The following METTL15 variants were observed in gnomAD, a reference collection of about 807,000 sequenced individuals.
The protein encoded by METTL15 is methyltransferase 15, mitochondrial 12S rRNA N4-cytidine.
METTL15 carries 34 observed loss-of-function variants against 38.3 expected under a neutral mutation model. The ratio of observed to expected loss-of-function variants is 0.89; its 90% CI spans 0.68 to 1.18. The LOEUF (loss-of-function observed/expected upper bound fraction) is 1.18. METTL15 is among the 50% of genes most tolerant of loss of function. The pLI, the probability that METTL15 is intolerant of heterozygous loss-of-function variation, is 0.00. For synonymous variants in METTL15, 162 were observed against 170.9 expected, an observed-to-expected ratio of 0.95 and a Z score of 0.41; for missense variants, 438 against 498.4, an observed-to-expected ratio of 0.88 and a Z score of 1.15.
intron 6 of METTL15, among the ~76,000 whole-genome samples, chr11:28,461,281 T>G (rs539723210): frequency 2.6e-5 from 4 of 152,128 alleles, no homozygotes; most frequent in Non-Finnish European, 5.9e-5. Flanking sequence ...GGGCTTTGTA[T>G]CAGTCTTCTT....
intron 4 of METTL15, among the ~76,000 whole-genome samples, chr11:28,271,993 A>T (rs564737507): frequency 6.6e-6 from 1 of 152,340 alleles, no homozygotes; most frequent in Admixed American, 6.5e-5. Context: ...GTCATTAGAG[A>T]AATGCAAATC....
At chr11:28,363,523 T>C (rs899829302) in intron 5 of METTL15, among the ~76,000 whole-genome samples, 5 of 151,486 alleles carry the variant, frequency 3.3e-5, no homozygotes, top group African/African-American at 1.2e-4. Context: ...CTTTGCCCCA[T>C]TTTTAATTTG....
intron 6 of METTL15, among the ~76,000 whole-genome samples, chr11:28,311,272 G>A (rs1401843474): frequency 6.6e-6 from 1 of 152,084 alleles, no homozygotes; most frequent in Non-Finnish European, 1.5e-5. Context: ...TCAAATAAAT[G>A]TGTAATTATC....
intron 3 of METTL15, among the ~76,000 whole-genome samples, chr11:28,174,928 T>A (rs1851004290): frequency 7.0e-6 from 1 of 142,858 alleles, no homozygotes; most frequent in African/African-American, 2.5e-5. Flanking sequence ...TTTTTTTAAA[T>A]TTACTTTATT....
intron 4 of METTL15, among the ~76,000 whole-genome samples, chr11:28,240,716 C>T (rs1194397815): frequency 6.6e-6 from 1 of 152,054 alleles, no homozygotes; most frequent in Non-Finnish European, 1.5e-5. Context: ...TCCTAGGTTT[C>T]CCAAAATTTA....
intron 4 of METTL15, among the ~76,000 whole-genome samples, chr11:28,271,741 A>G (rs545327602): frequency 2.0e-5 from 3 of 152,316 alleles, no homozygotes; most frequent in African/African-American, 7.2e-5. Context: ...TAAACTAAAG[A>G]GCTCTGCACA....
intron 6 of METTL15, among the ~76,000 whole-genome samples, chr11:28,444,860 C>A (rs1009233382): frequency 2.0e-5 from 3 of 152,130 alleles, no homozygotes; most frequent in Non-Finnish European, 4.4e-5. Context: ...TTCTGAACTC[C>A]TGTGAATGAA....
chr11:28,506,271 T>C (rs569307015), intron 6 of METTL15, among the ~76,000 whole-genome samples: 1 of 152,348 alleles, frequency 6.6e-6, no homozygotes, highest in South Asian at 2.1e-4. Flanking sequence ...TATGACTTAG[T>C]CCCTATTTTG....
intron 6 of METTL15, among the ~76,000 whole-genome samples, chr11:28,484,092 A>AT (rs1851418662): frequency 6.6e-6 from 1 of 152,162 alleles, no homozygotes; most frequent in Non-Finnish European, 1.5e-5. Context: ...AAAATCGTAT[A>AT]ATAACGGTGA....
At chr11:28,115,180 A>T (rs1180922460) in intron 3 of METTL15, among the ~76,000 whole-genome samples, 1 of 152,220 alleles carries the variant, frequency 6.6e-6, no homozygotes, top group Non-Finnish European at 1.5e-5. Flanking sequence ...ATTCTCCAAA[A>T]AATTACTAAT....
chr11:28,186,355 A>G (rs1851492729), intron 3 of METTL15, among the ~76,000 whole-genome samples: 1 of 151,298 alleles, frequency 6.6e-6, no homozygotes, highest in Non-Finnish European at 1.5e-5. Context: ...AAAATATTTT[A>G]GTCAACAAAA....
intron 3 of METTL15, among the ~76,000 whole-genome samples, chr11:28,166,915 C>G (rs776418577): frequency 6.6e-6 from 1 of 152,136 alleles, no homozygotes; most frequent in South Asian, 2.1e-4. Context: ...TGCCAGTGCA[C>G]TCCAGCCTGT....
chr11:28,120,014 C>T lies in METTL15; in HGVS notation c.270+6410C>T, dbSNP rs959659841. ...TCGCCCAGGCTGGAGTGCAGTGGGG[C>T]GATCTTGGCTCACTGCAAGCTCTGC... is the stretch of plus-strand genomic sequence containing the variant. On this transcript the variant is annotated intron_variant, in intron 3 of 6. Coordinates refer to ENST00000407364, the MANE Select transcript of METTL15 (RefSeq NM_001113528.2). 2.2e-4 allele frequency among the ~76,000 whole-genome samples: 33 copies of T among 152,076 alleles called. 1 individual carries two copies. The highest frequency in any genetic ancestry group is 7.2e-4 in the African/African-American group (30 of 41,418).
At chr11:28,162,612 A>C (rs1439661068) in intron 3 of METTL15, among the ~76,000 whole-genome samples, 1 of 152,162 alleles carries the variant, frequency 6.6e-6, no homozygotes, top group Non-Finnish European at 1.5e-5. Flanking sequence ...TAAGTCAAAA[A>C]TGTATTGAAT....
intron 4 of METTL15, among the ~76,000 whole-genome samples, chr11:28,218,146 G>T (rs115143448): frequency 1.9e-3 from 291 of 152,212 alleles, no homozygotes; most frequent in African/African-American, 5.9e-3. Context: ...AATTACCTTG[G>T]ATAGTGTGGC....
chr11:28,200,731 A>G (rs1259592284), intron 3 of METTL15, among the ~76,000 whole-genome samples: 1 of 152,056 alleles, frequency 6.6e-6, no homozygotes, highest in African/African-American at 2.4e-5. Flanking sequence ...GGTGTAAAGG[A>G]ATGCTTGTGA....
chr11:28,235,448 C>T (rs10835292), intron 4 of METTL15, among the ~76,000 whole-genome samples: 56,825 of 150,856 alleles, frequency 0.38, 12,300 homozygotes, highest in African/African-American at 0.6. Flanking sequence ...GCATGGAATG[C>T]TCTTCCATTT....
At chr11:28,122,361 G>A (rs972839507) in intron 3 of METTL15, among the ~76,000 whole-genome samples, 1 of 92,416 alleles carries the variant, frequency 1.1e-5, no homozygotes, top group Admixed American at 1.0e-4. Flanking sequence ...GTGTGTGTGT[G>A]TGTGTGTGTG....
At position 28,300,064 on chromosome 11, in the gene METTL15, T is replaced by C. The variant is rs571650624; in HGVS notation, c.778+3133T>C. Among the ~76,000 whole-genome samples the C allele has an allele frequency of 2.0e-5, 3 of 152,278 alleles. No individual in the cohort carries two copies. The South Asian group carries it at 6.2e-4, about 32-fold the overall frequency. On this transcript the variant is annotated intron_variant, in intron 6 of 6. Coordinates refer to ENST00000407364, the MANE Select transcript of METTL15 (RefSeq NM_001113528.2). ...CTTGATTATATCTGCAAAGACCTTA[T>C]TTCTAGGTCAGATCACATTTATAGG...
Sources: gnomAD v4.1 joint callset for allele counts (sites outside exome capture counted in the v4.1 genomes callset) on GRCh38, gnomAD v4.1.1 for gene constraint, MANE v1.5 for transcripts, NCBI Gene and HGNC (gene_info 2026-07-23, HGNC 2026-07-21) for gene names.